TRAF3IP1: variants seen among roughly 807,000 people sequenced by gnomAD.
TRAF3IP1 encodes the protein TRAF3-interacting protein 1.
TRAF3IP1 carries 53 observed loss-of-function variants against 89.9 expected under a neutral mutation model. The observed-to-expected ratio is 0.59, with a 90% CI of 0.47 to 0.74. TRAF3IP1 has a LOEUF of 0.74. TRAF3IP1 is among the 30% of genes least tolerant of loss of function. The pLI is 0.00. For synonymous variants in TRAF3IP1, 311 were observed against 322.1 expected (o/e 0.97, Z 0.37); for missense variants, 806 against 866.1 (o/e 0.93, Z 0.87).
chr2:238,367,897 C>T (rs537904034), intron 15 of TRAF3IP1, among the ~76,000 whole-genome samples: 2 of 152,130 alleles, frequency 1.3e-5, no homozygotes, highest in Non-Finnish European at 2.9e-5. Context: ...GCGGGGTGGG[C>T]GCGTTGAGCT....
chr2:238,337,341 G>A (rs963665622), intron 7 of TRAF3IP1, among the ~76,000 whole-genome samples: 2 of 152,160 alleles, frequency 1.3e-5, no homozygotes, highest in South Asian at 2.1e-4. Flanking sequence ...AGGTGTGTGA[G>A]TGGTGAGGTG....
Position 238,361,792 on chromosome 2 carries a change from C to G in TRAF3IP1, c.1689+5712C>G, listed in dbSNP as rs79766611. ...TCAGTTTGTGTGGTTCCATGAAAAA[C>G]CTTGTTGTGATTTTGACCGGAATCG... On this transcript the variant is annotated intron_variant, in intron 15 of 16. Coordinates refer to ENST00000373327, the MANE Select transcript of TRAF3IP1 (RefSeq NM_015650.4). Among the ~76,000 whole-genome samples the G allele has an allele frequency of 4.9e-3, 739 of 149,924 alleles. 6 individuals are homozygous for G. Among genetic ancestry groups the G allele is most frequent in the African/African-American group, 0.018 (714 of 39,518 alleles).
chr2:238,331,965 ATAG>A (rs1698148648), intron 5 of TRAF3IP1, among the ~76,000 whole-genome samples: 1 of 152,210 alleles, frequency 6.6e-6, no homozygotes, highest in Non-Finnish European at 1.5e-5. Context: ...AAGAGGTGAA[ATAG>A]TAGATATGAA....
At chr2:238,384,880 T>C (rs573443632) in intron 15 of TRAF3IP1, among the ~76,000 whole-genome samples, 96 of 152,298 alleles carry the variant, frequency 6.3e-4, no homozygotes, top group African/African-American at 2.3e-3. Flanking sequence ...TGTTTCCTAA[T>C]AGATAAATGT....
intron 14 of TRAF3IP1, among the ~76,000 whole-genome samples, chr2:238,354,712 G>C (rs955802310): frequency 6.6e-6 from 1 of 151,906 alleles, no homozygotes; most frequent in South Asian, 2.1e-4. Flanking sequence ...GTGCAGTGGC[G>C]CGATCTTGGC....
chr2:238,333,083 G>A (rs1398645040), intron 6 of TRAF3IP1, among the ~76,000 whole-genome samples, 188 bp downstream of exon 6: 1 of 152,096 alleles, frequency 6.6e-6, no homozygotes. Context: ...TAAAATAGAT[G>A]GGTGTGTGTA....
Position 238,333,940 on chromosome 2 carries a change from T to C in TRAF3IP1, c.988-20T>C. 1 of 1,586,914 alleles carries C rather than the reference T, an allele frequency of 6.3e-7. No individual in the cohort carries two copies. Among genetic ancestry groups the C allele is most frequent in the South Asian group, 1.1e-5 (1 of 87,250 alleles). The stretch of plus-strand genomic sequence containing the variant: ...TGTGTAATACATCAATTAATTTCTT[T>C]TCATTCTTTTTTCTTTAAGACTGAG... On this transcript the variant is annotated intron_variant, in intron 6 of 16. Transcript: ENST00000373327.
chr2:238,349,467 T>C, intron 12 of TRAF3IP1, 59 bp downstream of exon 12: 2 of 1,533,936 alleles, frequency 1.3e-6, no homozygotes, highest in East Asian at 4.6e-5. Flanking sequence ...GTGGGCATGG[T>C]GCCTCCGCTA....
chr2:238,344,620 C>T (rs1261687151), intron 9 of TRAF3IP1, 22 bp downstream of exon 9: 4 of 1,604,936 alleles, frequency 2.5e-6, no homozygotes, highest in African/African-American at 1.3e-5. Flanking sequence ...CCAGTTTCGC[C>T]CTTTCCTGGC....
chr2:238,389,232 A>AT (rs919650582), intron 15 of TRAF3IP1, among the ~76,000 whole-genome samples: 12 of 150,520 alleles, frequency 8.0e-5, no homozygotes, highest in African/African-American at 1.7e-4. Context: ...CTTCTGAGAC[A>AT]TTTTTTTTTA....
rs71043135 is a variant in TRAF3IP1 at position 238,392,574 on chromosome 2, CTTT to C, written c.1690-4875_1690-4873del. Reference sequence around the variant, plus strand: ...TGTTCCATGGATTAGCAGTCTGTTCCTTTTTTTTTTTTCTTGAGACGGAGTTTT... The same window carrying C: ...TGTTCCATGGATTAGCAGTCTGTTCCTTTTTTTTTCTTGAGACGGAGTTTT... On this transcript the variant is annotated intron_variant, in intron 15 of 16. Coordinates refer to ENST00000373327, the MANE Select transcript of TRAF3IP1 (RefSeq NM_015650.4). Among the ~76,000 whole-genome samples the C allele has an allele frequency of 2.9e-4, 44 of 149,346 alleles. No individual in the cohort carries two copies. In the South Asian group the frequency reaches 7.9e-3, roughly 27 times the overall value.
In TRAF3IP1 at chr2:238,332,899, A is replaced by C. The variant is rs1194244972; in HGVS notation, c.987+4A>C. On this transcript the variant is annotated splice_donor_region_variant and intron_variant, in intron 6 of 16. Coordinates refer to ENST00000373327, the MANE Select transcript of TRAF3IP1 (RefSeq NM_015650.4). ...AGACTCCAAGGCTGAAACAGAGGTA[A>C]ACTTTAAAAAATAACTTTTAAGAGA... is the stretch of plus-strand genomic sequence containing the variant. 1 of 1,604,660 alleles carries C rather than the reference A, an allele frequency of 6.2e-7. No homozygotes were observed. The highest frequency in any genetic ancestry group is 8.5e-7 in the Non-Finnish European group (1 of 1,172,824).
chr2:238,362,928 C>T (rs193163715), intron 15 of TRAF3IP1, among the ~76,000 whole-genome samples: 4 of 152,304 alleles, frequency 2.6e-5, no homozygotes, highest in Non-Finnish European at 5.9e-5. Flanking sequence ...GAAACAGGGT[C>T]GACCAGCTGT....
At chr2:238,349,034 A>C (rs1168079981) in intron 11 of TRAF3IP1, among the ~76,000 whole-genome samples, 186 bp downstream of exon 11, 1 of 152,230 alleles carries the variant, frequency 6.6e-6, no homozygotes, top group Non-Finnish European at 1.5e-5. Context: ...TAGTGATATA[A>C]TATTTTGGAG....
intron 8 of TRAF3IP1, among the ~76,000 whole-genome samples, 176 bp downstream of exon 8, chr2:238,338,633 T>A (rs1267930255): frequency 6.6e-6 from 1 of 152,272 alleles, no homozygotes; most frequent in East Asian, 1.9e-4. Context: ...TTTAATATGC[T>A]AAGTTATGTA....
intron 15 of TRAF3IP1, among the ~76,000 whole-genome samples, chr2:238,380,497 C>T (rs1700500611): frequency 6.6e-6 from 1 of 152,178 alleles, no homozygotes; most frequent in African/African-American, 2.4e-5. Flanking sequence ...GCAGTATCCC[C>T]CTAACCGATA....
intron 15 of TRAF3IP1, among the ~76,000 whole-genome samples, chr2:238,386,718 C>G (rs1303276412): frequency 3.3e-5 from 5 of 152,174 alleles, no homozygotes; most frequent in African/African-American, 1.2e-4. Context: ...AATCAATTTT[C>G]AGACCATTTT....
chr2:238,370,558 C>T (rs907794087), intron 15 of TRAF3IP1, among the ~76,000 whole-genome samples: 2 of 152,154 alleles, frequency 1.3e-5, no homozygotes, highest in Non-Finnish European at 1.5e-5. Context: ...CTCCATTCTC[C>T]CTACCCCGGG....
chr2:238,396,732 T>A (rs1011527649), intron 15 of TRAF3IP1, among the ~76,000 whole-genome samples: 1 of 152,070 alleles, frequency 6.6e-6, no homozygotes, highest in African/African-American at 2.4e-5. Flanking sequence ...AGCTCCCCAC[T>A]CGTCTCTGCG....
Sources: allele counts gnomAD v4.1 joint callset (sites outside exome capture counted in the v4.1 genomes callset), GRCh38; gene constraint gnomAD v4.1.1; transcripts MANE v1.5; gene names NCBI Gene and HGNC (gene_info 2026-07-23, HGNC 2026-07-21).